C19orf38: variants seen among roughly 807,000 people sequenced by gnomAD.
C19orf38 encodes protein HIDE1.
In C19orf38, 14 loss-of-function variants were observed where a neutral mutation model predicts 26.6. The observed-to-expected ratio is 0.53, with a 90% CI of 0.35 to 0.82. The LOEUF is 0.82. Ranked by LOEUF, C19orf38 falls within the 40% of genes least tolerant of loss-of-function variation. The pLI is 0.01. For synonymous variants in C19orf38, 132 were observed against 128.5 expected, an observed-to-expected ratio of 1.03 and a Z score of -0.18; for missense variants, 261 against 299.5, an observed-to-expected ratio of 0.87 and a Z score of 0.95.
chr19:10,839,731 C>CT (rs1235370560), intron 1 of C19orf38, among the ~76,000 whole-genome samples: 4,163 of 132,360 alleles, frequency 0.031, 103 homozygotes, highest in African/African-American at 0.058. Context: ...TTCTTTTGTT[C>CT]TTTTTTTTTT....
chr19:10,863,516 T>A (rs988581315), intron 6 of C19orf38, among the ~76,000 whole-genome samples: 2 of 152,078 alleles, frequency 1.3e-5, no homozygotes, highest in African/African-American at 4.8e-5. Context: ...TGACAGCCCC[T>A]CAGAATGGTG....
chr19:10,837,355 G>A (rs17001002), intron 1 of C19orf38, among the ~76,000 whole-genome samples: 22,524 of 152,060 alleles, frequency 0.15, 1,722 homozygotes, highest in Middle Eastern at 0.23. Flanking sequence ...AGAATTTGGG[G>A]AAGTAGCTCT....
intron 1 of C19orf38, chr19:10,841,785 C>T: frequency 1.1e-6 from 1 of 943,936 alleles, no homozygotes; most frequent in South Asian, 1.3e-5. Flanking sequence ...CTAGCCTGGG[C>T]AGCATAGTGA....
intron 5 of C19orf38, among the ~76,000 whole-genome samples, chr19:10,860,570 G>A (rs1396631883): frequency 1.4e-5 from 2 of 148,002 alleles, no homozygotes; most frequent in South Asian, 4.3e-4. Flanking sequence ...GGCCAGGCGT[G>A]GTGGCTCACG....
intron 2 of C19orf38, among the ~76,000 whole-genome samples, chr19:10,851,759 G>A (rs2146254861): frequency 6.6e-6 from 1 of 152,000 alleles, no homozygotes; most frequent in African/African-American, 2.4e-5. Context: ...ATGAGGTCAG[G>A]AGATTGAGAC....
chr19:10,841,514 C>T (rs2073477663), intron 1 of C19orf38, among the ~76,000 whole-genome samples: 1 of 151,746 alleles, frequency 6.6e-6, no homozygotes, highest in Non-Finnish European at 1.5e-5. Context: ...CTCTCGCGGC[C>T]GGGCACAGTG....
intron 1 of C19orf38, among the ~76,000 whole-genome samples, chr19:10,843,238 C>T (rs1258770255): frequency 6.6e-6 from 1 of 152,200 alleles, no homozygotes; most frequent in African/African-American, 2.4e-5. Context: ...GGGGATCAAT[C>T]TGAGGAAAGC....
chr19:10,849,512 C>G (rs1209476889), intron 1 of C19orf38, among the ~76,000 whole-genome samples: 1 of 152,036 alleles, frequency 6.6e-6, no homozygotes. Flanking sequence ...GAGATCCCAT[C>G]TCTACACAAA....
At chr19:10,853,825 T>G (rs550181310) in intron 2 of C19orf38, among the ~76,000 whole-genome samples, 66 of 151,398 alleles carry the variant, frequency 4.4e-4, no homozygotes, top group Middle Eastern at 6.8e-3. Context: ...CTCAATCTCC[T>G]GATCTTGTGA....
At chr19:10,868,883 C>T (rs1274421083) in intron 6 of C19orf38, among the ~76,000 whole-genome samples, 1 of 152,188 alleles carries the variant, frequency 6.6e-6, no homozygotes, top group Non-Finnish European at 1.5e-5. Context: ...CAGTTTTACT[C>T]TTTTAAGCCT....
At chr19:10,861,437 A>G (rs1357476702) in intron 5 of C19orf38, among the ~76,000 whole-genome samples, 2 of 152,182 alleles carry the variant, frequency 1.3e-5, no homozygotes, top group Non-Finnish European at 2.9e-5. Flanking sequence ...AGCACTTACT[A>G]TGTGCTAAGA....
chr19:10,858,434 A>G lies in C19orf38; in HGVS notation c.461+91A>G, dbSNP rs1028209285. 12 of 1,265,764 alleles carry G rather than the reference A, an allele frequency of 9.5e-6. No homozygotes were observed. In the African/African-American group the frequency reaches 1.8e-4, roughly 19 times the overall value. 78.4% of individuals were successfully genotyped at this position (1,265,764 alleles called of 1,614,324 possible). ...TGGGCACTCCATGCCCCCCACAAAC[A>G]GCGCCTCCTGGTGGGCATGCTGCGT... On this transcript the variant is annotated intron_variant, in intron 4 of 6. Transcript: ENST00000397820.
At chr19:10,847,683 C>A (rs12974563), upstream of C19orf38, among the ~76,000 whole-genome samples, 1,831 of 152,116 alleles carry the variant, frequency 0.012, 21 homozygotes, top group Non-Finnish European at 0.014. Context: ...GTCTACTACT[C>A]TTAGCCCCAT....
At chr19:10,841,970 T>G (rs2073481479) in intron 1 of C19orf38, 1 of 1,610,092 alleles carries the variant, frequency 6.2e-7, no homozygotes, top group East Asian at 2.2e-5. Flanking sequence ...TCTTCAAAAT[T>G]TCAGGTCTTA....
At chr19:10,860,997 G>T (rs187211960) in intron 5 of C19orf38, among the ~76,000 whole-genome samples, 3 of 151,954 alleles carry the variant, frequency 2.0e-5, no homozygotes, top group Admixed American at 2.0e-4. Flanking sequence ...ACAAAAATTA[G>T]CTGGGCATGG....
intron 1 of C19orf38, among the ~76,000 whole-genome samples, chr19:10,837,449 G>A (rs2073441466): frequency 6.7e-6 from 1 of 148,678 alleles, no homozygotes. Flanking sequence ...AAGTAACAGT[G>A]GAGAACGGGT....
At chr19:10,837,569 C>T (rs373807581) in intron 1 of C19orf38, among the ~76,000 whole-genome samples, 6 of 136,734 alleles carry the variant, frequency 4.4e-5, no homozygotes, top group South Asian at 2.3e-4. Flanking sequence ...TGCAGTGGCG[C>T]GATCTCGACT....
At chr19:10,848,609 A>G (rs1284536122) in intron 1 of C19orf38, 70 bp downstream of exon 1, 3 of 1,351,828 alleles carry the variant, frequency 2.2e-6, no homozygotes, top group Non-Finnish European at 3.0e-6. Context: ...TTGCCGCTCC[A>G]GGGGCAGAAA....
At chr19:10,852,926 C>G (rs1376403462) in intron 2 of C19orf38, among the ~76,000 whole-genome samples, 1 of 151,772 alleles carries the variant, frequency 6.6e-6, no homozygotes, top group Non-Finnish European at 1.5e-5. Context: ...TCAGAACTTT[C>G]CTGGCCGGGT....
Sources: allele counts gnomAD v4.1 joint callset (sites outside exome capture counted in the v4.1 genomes callset), GRCh38; gene constraint gnomAD v4.1.1; transcripts MANE v1.5; gene names NCBI Gene and HGNC (gene_info 2026-07-23, HGNC 2026-07-21).